Variants in CCDC148 observed in about 807,000 individuals in gnomAD.
The protein encoded by CCDC148 is coiled-coil domain-containing protein 148.
A neutral mutation model predicts 85.7 loss-of-function variants in CCDC148; 89 were observed. The ratio of observed to expected loss-of-function variants is 1.04; its 90% CI spans 0.87 to 1.24. CCDC148 has a LOEUF of 1.24. Among genes scored for constraint, CCDC148 ranks in the 50% most tolerant of loss-of-function variants. The pLI is 0.00. For missense variants in CCDC148, 692 were observed against 671.7 expected (o/e 1.03, Z -0.33); for synonymous variants, 230 against 213.9 (o/e 1.08, Z -0.66).
At chr2:158,220,819 A>G (rs1687142459) in intron 10 of CCDC148, 106 bp from the exon 11 acceptor site, 1 of 796,968 alleles carries the variant, frequency 1.3e-6, no homozygotes, top group South Asian at 1.7e-5. Flanking sequence ...TTGAATTTAA[A>G]GGGCACTTCA....
chr2:158,307,770 T>G (rs1277954591), intron 9 of CCDC148, among the ~76,000 whole-genome samples: 1 of 152,136 alleles, frequency 6.6e-6, no homozygotes, highest in African/African-American at 2.4e-5. Context: ...ATCCAAGAAG[T>G]ACAAAGGACT....
In CCDC148 at chr2:158,190,489, C is replaced by A. The variant is rs187339223; in HGVS notation, c.1371-11493G>T. Among the ~76,000 whole-genome samples, 158 of 152,098 alleles carry A rather than the reference C, an allele frequency of 1.0e-3. 2 individuals are homozygous for A. Among genetic ancestry groups the A allele is most frequent in the African/African-American group, 3.7e-3 (153 of 41,540 alleles). ...AAGTAGACAAAGGCAGAGCTTACAT[C>A]TGGATTTTGAATACTTAGAGGCACC... is the stretch of plus-strand genomic sequence containing the variant. On this transcript the variant is annotated intron_variant, in intron 11 of 13. Transcript: ENST00000283233.
intron 9 of CCDC148, among the ~76,000 whole-genome samples, chr2:158,270,990 G>T (rs1389748234): frequency 1.3e-5 from 2 of 152,104 alleles, no homozygotes; most frequent in Non-Finnish European, 2.9e-5. Context: ...ATCTACATTG[G>T]ATTTGATTTC....
chr2:158,188,404 T>A (rs994414820), intron 11 of CCDC148, among the ~76,000 whole-genome samples: 1 of 151,938 alleles, frequency 6.6e-6, no homozygotes, highest in Non-Finnish European at 1.5e-5. Flanking sequence ...CTAAAAATAA[T>A]GACTTTGATA....
At chr2:158,259,605 G>C (rs930080128) in intron 9 of CCDC148, among the ~76,000 whole-genome samples, 3 of 125,386 alleles carry the variant, frequency 2.4e-5, no homozygotes, top group Non-Finnish European at 3.5e-5. Flanking sequence ...ACACATTTTT[G>C]CTTCCCTGCT....
At chr2:158,187,502 T>G (rs1261582304) in intron 11 of CCDC148, among the ~76,000 whole-genome samples, 4 of 152,010 alleles carry the variant, frequency 2.6e-5, no homozygotes, top group Non-Finnish European at 5.9e-5. Flanking sequence ...TCTCATTTAG[T>G]CCAAACCATC....
At chr2:158,272,535 T>G (rs1209896192) in intron 9 of CCDC148, among the ~76,000 whole-genome samples, 2 of 152,168 alleles carry the variant, frequency 1.3e-5, no homozygotes, top group Non-Finnish European at 1.5e-5. Context: ...AACTATAGGT[T>G]AAATATGAAG....
chr2:158,289,673 G>A (rs1351982419), intron 9 of CCDC148, among the ~76,000 whole-genome samples: 1 of 152,302 alleles, frequency 6.6e-6, no homozygotes. Context: ...AAATGCAGTG[G>A]TACCTTGCCA....
At chr2:158,223,491 G>T (rs532152601) in intron 10 of CCDC148, among the ~76,000 whole-genome samples, 26 of 152,324 alleles carry the variant, frequency 1.7e-4, no homozygotes, top group African/African-American at 5.1e-4. Context: ...CCACCACACA[G>T]CTGGAGATCT....
In CCDC148 at chr2:158,280,298, G is replaced by T. The variant is rs1024625428; in HGVS notation, c.1110+29135C>A. Among the ~76,000 whole-genome samples the T allele has an allele frequency of 4.6e-5, 7 of 152,134 alleles. 1 individual carries two copies. Among genetic ancestry groups the T allele is most frequent in the South Asian group, 4.1e-4 (2 of 4,826 alleles). ...ACAATATTAGCTTTAAATGTAAATGGACTAAATGCTCCAATTAAAAGACAC... is the reference window on the plus strand; with the variant it reads ...ACAATATTAGCTTTAAATGTAAATGTACTAAATGCTCCAATTAAAAGACAC... On this transcript the variant is annotated intron_variant, in intron 9 of 13. Coordinates refer to ENST00000283233, the MANE Select transcript of CCDC148 (RefSeq NM_138803.4).
chr2:158,227,618 A>T (rs1687617799), intron 10 of CCDC148, among the ~76,000 whole-genome samples: 1 of 152,254 alleles, frequency 6.6e-6, no homozygotes, highest in Non-Finnish European at 1.5e-5. Context: ...GATATAGATC[A>T]GTGGAACAGA....
intron 10 of CCDC148, among the ~76,000 whole-genome samples, chr2:158,247,627 C>T (rs190947708): frequency 5.5e-4 from 83 of 152,170 alleles, no homozygotes; most frequent in Admixed American, 3.4e-3. Flanking sequence ...GAGGCTGAGG[C>T]GGGCGGATCA....
Position 158,288,774 on chromosome 2 carries a change from TCTA to T in CCDC148, c.1110+20656_1110+20658del, listed in dbSNP as rs771752702. On this transcript the variant is annotated intron_variant, in intron 9 of 13. Transcript: ENST00000283233. ...GGGTATCTTTTCAGCAACACTTCACTCTACTGGTACCAATTTACTGTATTAGTC... is the reference window on the plus strand; with the variant it reads ...GGGTATCTTTTCAGCAACACTTCACTCTGGTACCAATTTACTGTATTAGTC... 2.7e-5 allele frequency: 11 copies of T among 405,406 alleles called. 1 individual carries two copies. The East Asian group carries it at 2.9e-4, about 11-fold the overall frequency. 25.1% of individuals were successfully genotyped at this position (405,406 alleles called of 1,614,324 possible).
At chr2:158,416,463 G>C (rs1346717904) in intron 1 of CCDC148, among the ~76,000 whole-genome samples, 4 of 152,140 alleles carry the variant, frequency 2.6e-5, no homozygotes, top group African/African-American at 9.7e-5. Flanking sequence ...TTGCTGCTTA[G>C]AAATTTCTTC....
rs1322819777 is a variant in CCDC148 at position 158,220,737 on chromosome 2, A to G, written c.1252-24T>C. The G allele has an allele frequency of 2.7e-6, 4 of 1,504,128 alleles. No homozygotes were observed. The African/African-American group carries it at 5.7e-5, about 22-fold the overall frequency. The allele number at this position is 1,504,128 out of a possible 1,614,324, so 93.2% of individuals were successfully genotyped here. On this transcript the variant is annotated intron_variant, in intron 10 of 13. Transcript: ENST00000283233. ...ATCTATTGTATAAATGTTACATAAA[A>G]TTTAAATTAACAACAGATATGTAAA...
intron 9 of CCDC148, among the ~76,000 whole-genome samples, chr2:158,296,918 A>G (rs1419231962): frequency 6.6e-6 from 1 of 152,196 alleles, no homozygotes; most frequent in African/African-American, 2.4e-5. Flanking sequence ...GTGACCAAAA[A>G]TCACTCTGGC....
At chr2:158,430,417 C>T (rs192489931) in intron 1 of CCDC148, among the ~76,000 whole-genome samples, 78 of 152,214 alleles carry the variant, frequency 5.1e-4, no homozygotes, top group African/African-American at 1.7e-3. Context: ...TTACAACATC[C>T]TGTATCCACT....
chr2:158,280,805 C>A (rs959425125), intron 9 of CCDC148, among the ~76,000 whole-genome samples: 3 of 152,164 alleles, frequency 2.0e-5, no homozygotes, highest in Admixed American at 6.5e-5. Flanking sequence ...ACTCTCCACC[C>A]CAAATGAACA....
At chr2:158,354,013 T>C (rs1683478564) in intron 2 of CCDC148, among the ~76,000 whole-genome samples, 1 of 152,154 alleles carries the variant, frequency 6.6e-6, no homozygotes, top group African/African-American at 2.4e-5. Flanking sequence ...GAAATAAAGA[T>C]GTTCTTTGAA....
Sources: allele counts gnomAD v4.1 joint callset (sites outside exome capture counted in the v4.1 genomes callset), GRCh38; gene constraint gnomAD v4.1.1; transcripts MANE v1.5; gene names NCBI Gene and HGNC (gene_info 2026-07-23, HGNC 2026-07-21).